EXOC4: variants seen among roughly 807,000 people sequenced by gnomAD.
EXOC4 encodes exocyst complex component 4.
Under a neutral mutation model 107.2 loss-of-function variants are expected in EXOC4, and 71 were observed. The observed-to-expected ratio is 0.66, with a 90% CI of 0.55 to 0.81. The LOEUF is 0.81. EXOC4 is among the 30% of genes least tolerant of loss of function. EXOC4 has a pLI of 0.00. For synonymous variants in EXOC4, 456 were observed against 441.2 expected, an observed-to-expected ratio of 1.03 and a Z score of -0.42; for missense variants, 1,108 against 1,189.6, an observed-to-expected ratio of 0.93 and a Z score of 1.01.
At chr7:133,934,355 T>G (rs1036840587) in intron 13 of EXOC4, among the ~76,000 whole-genome samples, 4 of 152,246 alleles carry the variant, frequency 2.6e-5, no homozygotes, top group Non-Finnish European at 5.9e-5. Context: ...TCATGGTTTC[T>G]GTGCTCTTTT....
At chr7:133,272,589 TA>T (rs541329904) in intron 1 of EXOC4, among the ~76,000 whole-genome samples, 153 of 143,522 alleles carry the variant, frequency 1.1e-3, no homozygotes, top group South Asian at 2.4e-3. Flanking sequence ...TTTCTCTAAT[TA>T]AAAAAAAAAA....
At chr7:133,695,832 A>G (rs1295344647) in intron 10 of EXOC4, among the ~76,000 whole-genome samples, 1 of 152,214 alleles carries the variant, frequency 6.6e-6, no homozygotes, top group Non-Finnish European at 1.5e-5. Flanking sequence ...CCTAACAATT[A>G]TGTTGTATGA....
intron 5 of EXOC4, among the ~76,000 whole-genome samples, chr7:133,320,662 G>A (rs1390406659): frequency 1.3e-5 from 2 of 152,108 alleles, no homozygotes; most frequent in East Asian, 1.9e-4. Flanking sequence ...CACACTCTAC[G>A]CTGCCCATTT....
At chr7:133,929,596 G>T (rs1291368018) in intron 13 of EXOC4, among the ~76,000 whole-genome samples, 1 of 151,906 alleles carries the variant, frequency 6.6e-6, no homozygotes, top group African/African-American at 2.4e-5. Flanking sequence ...TTAGATTCAG[G>T]GGTGTGTATG....
chr7:133,855,055 ATATC>A (rs1798321834), intron 11 of EXOC4, among the ~76,000 whole-genome samples: 1 of 66,742 alleles, frequency 1.5e-5, no homozygotes, highest in Admixed American at 1.6e-4. Flanking sequence ...ATATCTAAAT[ATATC>A]TAAATATATC....
intron 12 of EXOC4, among the ~76,000 whole-genome samples, chr7:133,897,384 AAAT>A (rs1305410563): frequency 6.6e-6 from 1 of 152,162 alleles, no homozygotes; most frequent in Admixed American, 6.6e-5. Flanking sequence ...GTTGTGTACT[AAAT>A]AATAATTATA....
At chr7:133,860,791 A>G (rs1385754183) in intron 11 of EXOC4, among the ~76,000 whole-genome samples, 3 of 152,320 alleles carry the variant, frequency 2.0e-5, no homozygotes, top group African/African-American at 7.2e-5. Context: ...CTAAAACTTT[A>G]AAAGCAATTC....
At chr7:134,013,515 C>A (rs931426729) in intron 17 of EXOC4, among the ~76,000 whole-genome samples, 4 of 152,046 alleles carry the variant, frequency 2.6e-5, no homozygotes, top group African/African-American at 9.7e-5. Context: ...AACCAAGAGG[C>A]CCTGAATGAA....
intron 7 of EXOC4, among the ~76,000 whole-genome samples, chr7:133,406,440 G>A (rs763659664): frequency 3.3e-5 from 5 of 152,076 alleles, no homozygotes; most frequent in South Asian, 2.1e-4. Flanking sequence ...TTACTATTGC[G>A]CCTCTGACAC....
intron 10 of EXOC4, among the ~76,000 whole-genome samples, chr7:133,674,037 A>G (rs1227724242): frequency 1.3e-5 from 2 of 152,198 alleles, no homozygotes; most frequent in Non-Finnish European, 2.9e-5. Flanking sequence ...AGTTCAAGGA[A>G]GGCAAGGAAT....
At chr7:133,331,298 T>G (rs914932156) in intron 5 of EXOC4, among the ~76,000 whole-genome samples, 3 of 152,066 alleles carry the variant, frequency 2.0e-5, no homozygotes, top group African/African-American at 4.8e-5. Context: ...TGATGGAGAT[T>G]AAGTATCTAG....
At chr7:133,361,615 ATG>A (rs771600995) in intron 6 of EXOC4, among the ~76,000 whole-genome samples, 17 of 152,180 alleles carry the variant, frequency 1.1e-4, no homozygotes, top group Non-Finnish European at 2.4e-4. Flanking sequence ...GTAATGGATA[ATG>A]TTTGAGAGTT....
chr7:133,723,666 T>A lies in EXOC4; in HGVS notation c.1514+93525T>A, dbSNP rs1465621227. On this transcript the variant is annotated intron_variant, in intron 10 of 17. Transcript: ENST00000253861. The stretch of plus-strand genomic sequence containing the variant: ...CATCATGCTCAGCTAATTTTTTGTA[T>A]TTTTAGTAGAAACGGGGTTTCACTA... 2.0e-5 allele frequency among the ~76,000 whole-genome samples: 3 copies of A among 152,158 alleles called. No individual in the cohort carries two copies. The South Asian group carries it at 6.2e-4, about 32-fold the overall frequency.
chr7:133,541,226 A>C (rs1800373256), intron 9 of EXOC4, among the ~76,000 whole-genome samples: 1 of 152,164 alleles, frequency 6.6e-6, no homozygotes, highest in Non-Finnish European at 1.5e-5. Flanking sequence ...TATCAGCTAG[A>C]AGTATAGTTA....
intron 10 of EXOC4, among the ~76,000 whole-genome samples, chr7:133,770,529 C>T (rs1042647329): frequency 2.0e-5 from 3 of 151,928 alleles, no homozygotes; most frequent in African/African-American, 7.2e-5. Context: ...CCAATGCACA[C>T]TTAATCAGAT....
chr7:133,323,492 T>G (rs1795163643), intron 5 of EXOC4, among the ~76,000 whole-genome samples: 1 of 152,212 alleles, frequency 6.6e-6, no homozygotes, highest in South Asian at 2.1e-4. Flanking sequence ...TCTTTGGTTC[T>G]GTTTATATGC....
rs145158959 is a variant in EXOC4, at chr7:133,305,938, G to A, written c.533G>A (p.Arg178Gln). The A allele has an allele frequency of 5.9e-5, 96 of 1,613,506 alleles. No individual in the cohort carries two copies. The highest frequency in any genetic ancestry group is 3.1e-5 in the Non-Finnish European group (36 of 1,179,738). Residue 178 changes from arginine (R) to glutamine (Q), a missense_variant, in exon 4 of 18, where the codon CGA becomes CAA. Physicochemically the swap from Arg to Gln is conservative, Grantham distance 43. Transcript: ENST00000253861. ...CAGGTGGAAGGACTGAGTGACCTTC[G>A]ACTAGAGCTTCACAGCAAGAAGATG... ...LLQVEGLSDL[R>Q]LELHSKKMNL...
At chr7:133,461,382 G>T (rs1184096866) in intron 7 of EXOC4, among the ~76,000 whole-genome samples, 1 of 152,156 alleles carries the variant, frequency 6.6e-6, no homozygotes, top group Non-Finnish European at 1.5e-5. Context: ...TAATTACAAA[G>T]TAAATGCTGG....
intron 13 of EXOC4, among the ~76,000 whole-genome samples, chr7:133,932,913 A>G (rs372427212): frequency 3.7e-5 from 1 of 26,852 alleles, no homozygotes; most frequent in Non-Finnish European, 6.7e-5. Context: ...TAGGACCAGG[A>G]GAGAGAGAGA....
Sources: gnomAD v4.1 joint callset for allele counts (sites outside exome capture counted in the v4.1 genomes callset) on GRCh38, gnomAD v4.1.1 for gene constraint, MANE v1.5 for transcripts, NCBI Gene and HGNC (gene_info 2026-07-23, HGNC 2026-07-21) for gene names.